Variants in RFC1 observed in about 807,000 individuals in gnomAD.
The protein encoded by RFC1 is A1 140 kDa subunit.
RFC1 carries 37 observed loss-of-function variants against 137.4 expected under a neutral mutation model. The observed-to-expected ratio is 0.27, with a 90% CI of 0.21 to 0.35. RFC1 has a LOEUF of 0.35. RFC1 is among the 10% of genes least tolerant of loss of function. The probability of loss-of-function intolerance (pLI) is 1.00; values close to 1 mark genes in which losing one functional copy is unlikely to be tolerated. For missense variants in RFC1, 1,205 were observed against 1,358.5 expected (o/e 0.89, Z 1.78); for synonymous variants, 429 against 455.7 (o/e 0.94, Z 0.75).
At chr4:39,295,850 T>C in intron 21 of RFC1, 91 bp from the exon 22 acceptor site, 1 of 1,243,556 alleles carries the variant, frequency 8.0e-7, no homozygotes, top group Non-Finnish European at 1.1e-6. Flanking sequence ...CTACGGAAGA[T>C]AAAGCAACAC....
chr4:39,310,365 T>C (rs1738907681), intron 12 of RFC1, among the ~76,000 whole-genome samples: 1 of 152,214 alleles, frequency 6.6e-6, no homozygotes, highest in Non-Finnish European at 1.5e-5. Context: ...TACAGGTTAG[T>C]TAACAATACG....
intron 22 of RFC1, among the ~76,000 whole-genome samples, chr4:39,293,201 C>T (rs961426015): frequency 6.6e-6 from 1 of 152,084 alleles, no homozygotes; most frequent in Non-Finnish European, 1.5e-5. Flanking sequence ...TAATTAAGCA[C>T]GCTAGTACTT....
At chr4:39,337,629 C>G (rs112031048) in intron 4 of RFC1, among the ~76,000 whole-genome samples, 2,236 of 152,128 alleles carry the variant, frequency 0.015, 50 homozygotes, top group African/African-American at 0.051. Context: ...AGGAAATTTT[C>G]TACCTTTATC....
chr4:39,361,787 G>A (rs1264074822), intron 1 of RFC1, among the ~76,000 whole-genome samples: 10 of 152,176 alleles, frequency 6.6e-5, no homozygotes, highest in Admixed American at 6.5e-5. Context: ...GGTGGCTCAC[G>A]CCTGTAATCC....
At chr4:39,339,113 T>C (rs995429345) in intron 4 of RFC1, among the ~76,000 whole-genome samples, 1 of 152,154 alleles carries the variant, frequency 6.6e-6, no homozygotes, top group East Asian at 1.9e-4. Flanking sequence ...AATATTCCAT[T>C]ATTACATATA....
At chr4:39,290,792 GCAACA>G (rs1340204011) in intron 23 of RFC1, among the ~76,000 whole-genome samples, 2 of 146,374 alleles carry the variant, frequency 1.4e-5, no homozygotes, top group Admixed American at 1.4e-4. Flanking sequence ...TTCAGCCTGG[GCAACA>G]GAGCTAGACT....
intron 3 of RFC1, among the ~76,000 whole-genome samples, chr4:39,343,117 G>C (rs1294939516): frequency 1.3e-5 from 2 of 152,154 alleles, no homozygotes; most frequent in Non-Finnish European, 2.9e-5. Context: ...CTGCCTTCCA[G>C]GTTCAAGCGA....
intron 1 of RFC1, among the ~76,000 whole-genome samples, chr4:39,360,493 G>C (rs1419732926): frequency 6.6e-6 from 1 of 151,282 alleles, no homozygotes; most frequent in East Asian, 1.9e-4. Context: ...GACAGGGCGA[G>C]ACTCCATCTC....
chr4:39,302,549 G>A lies in RFC1; in HGVS notation c.2387C>T (p.Pro796Leu). Reference protein sequence around the residue: ...IAFKEGLKIPPPAMNEIILGA... With the variant: ...IAFKEGLKIPLPAMNEIILGA... ...CAAAATTATTTCATTCATAGCTGGA[G>A]GGGGAATCTTTAAACCTTCTTTAAA... The change falls in exon 18 of 25, where the codon CCT becomes CTT. Residue 796 changes from proline to leucine, a missense_variant. Transcript: ENST00000349703. 1.2e-6 allele frequency: 2 copies of A among 1,611,768 alleles called. No individual in the cohort carries two copies. Among genetic ancestry groups the A allele is most frequent in the East Asian group, 2.2e-5 (1 of 44,844 alleles).
intron 12 of RFC1, among the ~76,000 whole-genome samples, chr4:39,309,649 G>A (rs1738867841): frequency 1.3e-5 from 2 of 152,216 alleles, no homozygotes; most frequent in African/African-American, 4.8e-5. Flanking sequence ...ACAGAGCAGA[G>A]CAGTGAGTGC....
At chr4:39,301,107 A>G (rs1738336184) in intron 19 of RFC1, among the ~76,000 whole-genome samples, 1 of 151,848 alleles carries the variant, frequency 6.6e-6, no homozygotes, top group Admixed American at 6.6e-5. Flanking sequence ...AAAACCAAAA[A>G]AAACAAAAAC....
intron 4 of RFC1, among the ~76,000 whole-genome samples, chr4:39,333,714 A>T (rs1487313062): frequency 6.6e-6 from 1 of 152,208 alleles, no homozygotes; most frequent in African/African-American, 2.4e-5. Context: ...TCTACCAGAG[A>T]TCTCTTTACA....
intron 12 of RFC1, among the ~76,000 whole-genome samples, chr4:39,310,443 T>A (rs966540135): frequency 1.3e-5 from 2 of 152,230 alleles, no homozygotes; most frequent in Non-Finnish European, 2.9e-5. Context: ...ATTCCCTAGA[T>A]TTCTCTAACC....
At position 39,306,667 on chromosome 4, in the gene RFC1, G is replaced by A. The variant is rs200906626; in HGVS notation, c.1920C>T (p.Gly640=). 28 of 1,613,766 alleles carry A rather than the reference G, an allele frequency of 1.7e-5. No individual in the cohort carries two copies. Among genetic ancestry groups the A allele is most frequent in the African/African-American group, 9.3e-5 (7 of 75,018 alleles). Residue 640 remains glycine (G), a synonymous_variant, in exon 14 of 25, where the codon GGC becomes GGT. Transcript: ENST00000349703. ...ACAGCAACGCTGCTTTAAAACTAGA[G>A]CCATCATCTTTGCCGGAAAATTTAC... is the stretch of plus-strand genomic sequence containing the variant. The part of the protein sequence containing the change: ...KFGKFSGKDD[G]SSFKAALLSG...
At chr4:39,340,038 T>C (rs919668251) in intron 4 of RFC1, among the ~76,000 whole-genome samples, 1 of 152,234 alleles carries the variant, frequency 6.6e-6, no homozygotes, top group Non-Finnish European at 1.5e-5. Context: ...CTATTTTAAA[T>C]GCTTTTCAAG....
At position 39,303,128 on chromosome 4, in the gene RFC1, T is replaced by C. The variant is rs564171683; in HGVS notation, c.2134A>G (p.Thr712Ala). ...YSNGAASSVS[T>A]KHALIMDEVD... ...TCATCCATGATGAGAGCATGTTTCGTGCTTACTGAAGAGGCTGCTCCATCT... is the reference window on the plus strand; with the variant it reads ...TCATCCATGATGAGAGCATGTTTCGCGCTTACTGAAGAGGCTGCTCCATCT... Residue 712 changes from threonine to alanine, a missense_variant, in exon 16 of 25, where the codon ACG (threonine) becomes GCG (alanine). By Grantham distance (58) the Thr-to-Ala change is moderately conservative (BLOSUM62 0). Transcript: ENST00000349703. 1 of 1,613,880 alleles carries C rather than the reference T, an allele frequency of 6.2e-7. No individual in the cohort carries two copies. Among genetic ancestry groups the C allele is most frequent in the African/African-American group, 1.3e-5 (1 of 75,016 alleles).
At chr4:39,356,916 A>T (rs1741508237) in intron 1 of RFC1, among the ~76,000 whole-genome samples, 1 of 152,212 alleles carries the variant, frequency 6.6e-6, no homozygotes, top group Non-Finnish European at 1.5e-5. Flanking sequence ...ACTTTTGAAC[A>T]GTAACAAGTT....
chr4:39,360,095 A>G (rs1741675956), intron 1 of RFC1, among the ~76,000 whole-genome samples: 1 of 152,208 alleles, frequency 6.6e-6, no homozygotes, highest in African/African-American at 2.4e-5. Flanking sequence ...GGCCGGGTGC[A>G]GTGGCTGACA....
At chr4:39,336,961 T>G (rs914168666) in intron 4 of RFC1, among the ~76,000 whole-genome samples, 22 of 152,166 alleles carry the variant, frequency 1.4e-4, no homozygotes, top group Admixed American at 3.3e-4. Context: ...TCTATCAAAT[T>G]TATAGAAGAT....
Sources: allele counts gnomAD v4.1 joint callset (sites outside exome capture counted in the v4.1 genomes callset), GRCh38; gene constraint gnomAD v4.1.1; transcripts MANE v1.5; gene names NCBI Gene and HGNC (gene_info 2026-07-23, HGNC 2026-07-21).